The following IFT74 variants were observed in gnomAD, a reference collection of about 807,000 sequenced individuals.
IFT74 encodes intraflagellar transport protein 74 homolog.
A neutral mutation model predicts 96.7 loss-of-function variants in IFT74; 92 were observed. The ratio of observed to expected loss-of-function variants is 0.95; its 90% confidence interval spans 0.80 to 1.13. IFT74 has a LOEUF of 1.13. Among genes scored for constraint, IFT74 ranks in the 50% most tolerant of loss-of-function variants. The pLI is 0.00. For missense variants in IFT74, 811 were observed against 698.2 expected (o/e 1.16, Z -1.82); for synonymous variants, 223 against 213.2 (o/e 1.05, Z -0.40).
At chr9:27,039,598 G>A (rs1050491927) in intron 13 of IFT74, among the ~76,000 whole-genome samples, 2 of 152,204 alleles carry the variant, frequency 1.3e-5, no homozygotes, top group African/African-American at 4.8e-5. Flanking sequence ...TTGCCCTACA[G>A]TGGTTGCATC....
chr9:26,972,793 A>G (rs1344188831), intron 2 of IFT74, among the ~76,000 whole-genome samples: 2 of 152,150 alleles, frequency 1.3e-5, no homozygotes, highest in Non-Finnish European at 2.9e-5. Context: ...TGCACTTATT[A>G]GGTGGCTTAA....
rs72719540 is a variant in IFT74, at chr9:26,956,664, A to T, written c.-20+148A>T. ...GGGCCTGTAGCCAGGCCAGGCATGT[A>T]CCAATTCTAGTCGAGCGAAGGTTGC... On this transcript the variant is annotated intron_variant, in intron 1 of 19. Coordinates refer to ENST00000380062, the MANE Select transcript of IFT74 (RefSeq NM_025103.4). The T allele has an allele frequency of 6.8e-3, 1,037 of 152,612 alleles. 2 individuals are homozygous for T. The highest frequency in any genetic ancestry group is 0.011 in the Non-Finnish European group (753 of 68,252). 9.5% of individuals were successfully genotyped at this position (152,612 alleles called of 1,614,324 possible). A position where few individuals can be genotyped will look rare whatever the true frequency, so the allele number is the denominator to read the frequency against.
At chr9:26,988,610 AG>A in intron 6 of IFT74, 58 bp from the exon 7 acceptor site, 1 of 1,402,754 alleles carries the variant, frequency 7.1e-7, no homozygotes, top group African/African-American at 1.5e-5. Context: ...TATTAATTAT[AG>A]AGAACATGTG....
intron 6 of IFT74, among the ~76,000 whole-genome samples, chr9:26,988,311 G>T (rs1416648572): frequency 6.6e-6 from 1 of 152,118 alleles, no homozygotes; most frequent in East Asian, 1.9e-4. Context: ...GTTGGCAGGG[G>T]AAGAGAGGGT....
intron 8 of IFT74, among the ~76,000 whole-genome samples, chr9:27,001,469 G>A (rs373282554): frequency 3.3e-5 from 5 of 152,054 alleles, no homozygotes; most frequent in Non-Finnish European, 5.9e-5. Flanking sequence ...ACCAGCATCC[G>A]TTATTGCCTG....
chr9:26,977,178 A>G (rs1015921149), intron 2 of IFT74, among the ~76,000 whole-genome samples: 4 of 152,204 alleles, frequency 2.6e-5, no homozygotes, highest in South Asian at 2.1e-4. Flanking sequence ...CGGTCTCTCT[A>G]TGTTCTCCAG....
chr9:26,980,161 G>T (rs1263551548), intron 3 of IFT74, among the ~76,000 whole-genome samples: 1 of 152,146 alleles, frequency 6.6e-6, no homozygotes, highest in Non-Finnish European at 1.5e-5. Flanking sequence ...ATTTAAATTA[G>T]TTCCCCAGTA....
chr9:27,060,683 G>T, intron 19 of IFT74, 32 bp downstream of exon 19: 1 of 1,537,622 alleles, frequency 6.5e-7, no homozygotes, highest in Non-Finnish European at 8.9e-7. Context: ...ATGGGGCCGG[G>T]TGCGGTGGCT....
chr9:26,987,191 A>G (rs1396001685), intron 6 of IFT74, among the ~76,000 whole-genome samples: 1 of 151,924 alleles, frequency 6.6e-6, no homozygotes, highest in African/African-American at 2.4e-5. Context: ...CTGGGATTAC[A>G]GGCGCTTGCC....
At chr9:27,042,925 C>T (rs1052968948) in intron 13 of IFT74, among the ~76,000 whole-genome samples, 9 of 152,204 alleles carry the variant, frequency 5.9e-5, no homozygotes, top group African/African-American at 1.9e-4. Context: ...CACTCAAAAA[C>T]CTGTCTGTAG....
rs757910179 is a variant in IFT74, at chr9:26,978,209, G to C, written c.202G>C (p.Ala68Pro). The C allele has an allele frequency of 4.3e-6, 7 of 1,613,448 alleles. No individual in the cohort carries two copies. In the Admixed American group the frequency reaches 1.2e-4, roughly 27 times the overall value. Reference sequence around the variant, plus strand: ...AGTTCTGTCTTCTCAAATCAAAGTTGCCCATCGCCCTGTAACACAACAAGG... The same window carrying C: ...AGTTCTGTCTTCTCAAATCAAAGTTCCCCATCGCCCTGTAACACAACAAGG... ...GGVLSSQIKVAHRPVTQQGLT... is the reference protein window; with the variant it reads ...GGVLSSQIKVPHRPVTQQGLT... Residue 68 changes from alanine to proline, a missense_variant, in exon 3 of 20, where the codon GCC becomes CCC. By Grantham distance (27) the Ala-to-Pro change is conservative (BLOSUM62 -1). Coordinates refer to ENST00000380062, the MANE Select transcript of IFT74 (RefSeq NM_025103.4).
chr9:27,048,505 T>C (rs1819792805), intron 16 of IFT74, among the ~76,000 whole-genome samples: 1 of 152,184 alleles, frequency 6.6e-6, no homozygotes, highest in African/African-American at 2.4e-5. Context: ...ATTCTGGATA[T>C]TGTTAAAGAT....
In IFT74 at chr9:27,036,674, T is replaced by C; in HGVS notation, c.1054+7570T>C. Reference sequence around the variant, plus strand: ...TCATTGGCTACTTGTGTTCACTCTTTGCTTCTGTGAAAAAAAAAAGACTCC... The same window carrying C: ...TCATTGGCTACTTGTGTTCACTCTTCGCTTCTGTGAAAAAAAAAAGACTCC... On this transcript the variant is annotated intron_variant, in intron 13 of 19. Transcript: ENST00000380062. 5 of 1,337,166 alleles carry C rather than the reference T, an allele frequency of 3.7e-6. No homozygotes were observed. The South Asian group carries it at 1.1e-4, about 30-fold the overall frequency. The allele number at this position is 1,337,166 out of a possible 1,614,324, so 82.8% of individuals were successfully genotyped here. A position where few individuals can be genotyped will look rare whatever the true frequency, so the allele number is the denominator to read the frequency against.
intron 16 of IFT74, among the ~76,000 whole-genome samples, chr9:27,048,972 G>A (rs1319801257): frequency 3.3e-5 from 5 of 152,094 alleles, no homozygotes; most frequent in Non-Finnish European, 2.9e-5. Flanking sequence ...TCATGGGGGC[G>A]GATCTCTCGT....
chr9:27,053,021 G>T (rs1453565810), intron 16 of IFT74, among the ~76,000 whole-genome samples: 1 of 151,958 alleles, frequency 6.6e-6, no homozygotes, highest in Non-Finnish European at 1.5e-5. Context: ...CCACCACCTC[G>T]CCCGGCTAAT....
intron 3 of IFT74, among the ~76,000 whole-genome samples, chr9:26,980,192 G>C (rs1827308648): frequency 6.6e-6 from 1 of 152,128 alleles, no homozygotes; most frequent in Admixed American, 6.5e-5. Flanking sequence ...AATTTTAAGT[G>C]CTTCTGTAGT....
intron 2 of IFT74, among the ~76,000 whole-genome samples, chr9:26,971,101 C>T (rs1168058616): frequency 6.6e-6 from 1 of 152,150 alleles, no homozygotes; most frequent in African/African-American, 2.4e-5. Context: ...CAATTAATGC[C>T]TTTATAACTG....
chr9:27,036,682 TGA>T lies in IFT74; in HGVS notation c.1054+7579_1054+7580del, dbSNP rs1491264303. ...TACTTGTGTTCACTCTTTGCTTCTG[TGA>T]AAAAAAAAAGACTCCTAAAAATCAA... On this transcript the variant is annotated intron_variant, in intron 13 of 19. Coordinates refer to ENST00000380062, the MANE Select transcript of IFT74 (RefSeq NM_025103.4). 7 of 1,308,168 alleles carry T rather than the reference TGA, an allele frequency of 5.4e-6. No individual in the cohort carries two copies. In the South Asian group the frequency reaches 7.5e-5, roughly 14 times the overall value. The allele number at this position is 1,308,168 out of a possible 1,614,324, so 81.0% of individuals were successfully genotyped here.
chr9:27,042,613 A>G (rs1819528712), intron 13 of IFT74, among the ~76,000 whole-genome samples: 1 of 152,214 alleles, frequency 6.6e-6, no homozygotes, highest in Non-Finnish European at 1.5e-5. Context: ...AACTGGAAAC[A>G]TCATGTGTAG....
Sources: gnomAD v4.1 joint callset for allele counts (sites outside exome capture counted in the v4.1 genomes callset) on GRCh38, gnomAD v4.1.1 for gene constraint, MANE v1.5 for transcripts, NCBI Gene and HGNC (gene_info 2026-07-23, HGNC 2026-07-21) for gene names.